The following CYGB variants were observed in gnomAD, a reference collection of about 807,000 sequenced individuals.
The protein encoded by CYGB is cytoglobin, also known as histoglobin.
A neutral mutation model predicts 20.7 loss-of-function variants in CYGB; 13 were observed. The observed-to-expected ratio is 0.63, with a 90% CI of 0.41 to 1.00. The LOEUF (loss-of-function observed/expected upper bound fraction) is 1.00. Among genes scored for constraint, CYGB ranks in the 50% least tolerant of loss-of-function variants. The probability of loss-of-function intolerance (pLI) is 0.00; values close to 1 mark genes in which losing one functional copy is unlikely to be tolerated. For synonymous variants in CYGB, 93 were observed against 107.4 expected (o/e 0.87, Z 0.83); for missense variants, 218 against 257.2 (o/e 0.85, Z 1.04).
intron 1 of CYGB, among the ~76,000 whole-genome samples, chr17:76,534,483 A>C (rs1219072878): frequency 6.6e-6 from 1 of 152,136 alleles, no homozygotes; most frequent in African/African-American, 2.4e-5. Context: ...CCGGCCTGTT[A>C]TTGTATTTAA....
At chr17:76,539,622 C>T (rs768608782), upstream of CYGB, among the ~76,000 whole-genome samples, 4 of 152,218 alleles carry the variant, frequency 2.6e-5, no homozygotes, top group Admixed American at 6.5e-5. Context: ...ATTCACCTTG[C>T]AGTTACTGGC....
chr17:76,528,567 AGT>A lies in CYGB; in HGVS notation c.*9_*10del, dbSNP rs1225259977. ...GAGGTGCTGCCAGGGAGGGGGGTGG[AGT>A]TAGGGGTCCTACGGCCCCGAAGAGG... On this transcript the variant is annotated 3_prime_UTR_variant, in exon 4 of 4. Coordinates refer to ENST00000293230, the MANE Select transcript of CYGB (RefSeq NM_134268.5). This position sits in a 1 kb window ranked among gnomAD's most constrained non-coding sequence, Gnocchi z 5.8. 1 of 1,233,098 alleles carries A rather than the reference AGT, an allele frequency of 8.1e-7. No homozygotes were observed. Among genetic ancestry groups the A allele is most frequent in the Non-Finnish European group, 1.0e-6 (1 of 970,788 alleles). The allele number at this position is 1,233,098 out of a possible 1,614,324, so 76.4% of individuals were successfully genotyped here. A position where few individuals can be genotyped will look rare whatever the true frequency, so the allele number is the denominator to read the frequency against.
intron 1 of CYGB, among the ~76,000 whole-genome samples, chr17:76,535,192 T>C (rs2074901947): frequency 6.6e-6 from 1 of 152,046 alleles, no homozygotes; most frequent in Non-Finnish European, 1.5e-5. Flanking sequence ...TTCTCCAGGT[T>C]GGGGGTGTGG....
In CYGB at chr17:76,531,472, C is replaced by T. The variant is rs201780371; in HGVS notation, c.363G>A (p.Pro121=). ...TGGGGGCGCATACCTTGAAGTACAC[C>T]GGTTCCACCTTGTGCTTGAGGGCGT... is the stretch of plus-strand genomic sequence containing the variant. ...KAHALKHKVE[P]VYFKILSGVI... The change falls in exon 2 of 4, where the codon CCG becomes CCA. Residue 121 remains proline, a synonymous_variant. Coordinates refer to ENST00000293230, the MANE Select transcript of CYGB (RefSeq NM_134268.5). The surrounding 1 kb of genome is among the most constrained non-coding windows in gnomAD (Gnocchi z 7.4). 568 of 1,609,258 alleles carry T rather than the reference C, an allele frequency of 3.5e-4. 4 individuals are homozygous for T. In the South Asian group the frequency reaches 4.9e-3, roughly 14 times the overall value.
At chr17:76,539,200 C>T (rs1195301315), upstream of CYGB, among the ~76,000 whole-genome samples, 1 of 152,238 alleles carries the variant, frequency 6.6e-6, no homozygotes, top group Non-Finnish European at 1.5e-5. Context: ...TGGCTGGCTC[C>T]ATGCTCCACA....
upstream of CYGB, chr17:76,542,606 A>T: frequency 6.2e-7 from 1 of 1,613,772 alleles, no homozygotes; most frequent in South Asian, 1.1e-5. Flanking sequence ...GCTCAGGCCC[A>T]GAGACTGGGA....
Position 76,531,526 on chromosome 17 carries a change from G to C in CYGB, c.309C>G (p.Ser103=), listed in dbSNP as rs759755981. The change falls in exon 2 of 4, where the codon TCC becomes TCG. Residue 103 remains serine (S), a synonymous_variant. Coordinates refer to ENST00000293230, the MANE Select transcript of CYGB (RefSeq NM_134268.5). The surrounding 1 kb of genome is among the most constrained non-coding windows in gnomAD (Gnocchi z 7.4). ...VENLHDPDKV[S]SVLALVGKAH... ...CTTTCCCCACAAGGGCGAGCACAGA[G>C]GACACCTTGTCGGGGTCATGCAGGT... is the stretch of plus-strand genomic sequence containing the variant. 1.2e-6 allele frequency: 2 copies of C among 1,614,124 alleles called. No homozygotes were observed. The highest frequency in any genetic ancestry group is 1.7e-6 in the Non-Finnish European group (2 of 1,179,930).
chr17:76,549,356 G>A (rs899464291), intron 1 of CYGB, among the ~76,000 whole-genome samples: 4 of 152,192 alleles, frequency 2.6e-5, no homozygotes, highest in African/African-American at 9.7e-5. Flanking sequence ...GGCTGGGCGC[G>A]GTGGCTCACG....
chr17:76,538,444 C>A, upstream of CYGB: 1 of 464,994 alleles, frequency 2.2e-6, no homozygotes, highest in Non-Finnish European at 4.5e-6. Context: ...CCTCCATGCC[C>A]TCGGTGCACG....
At chr17:76,549,973 T>G (rs1260266440) in intron 1 of CYGB, 1 of 152,310 alleles carries the variant, frequency 6.6e-6, no homozygotes, top group African/African-American at 2.4e-5. Context: ...TTCTTTTTTT[T>G]GAGATGGAGT....
In CYGB at chr17:76,533,716, C is replaced by T. The variant is rs571275297; in HGVS notation, c.144-2025G>A. Among the ~76,000 whole-genome samples the T allele has an allele frequency of 6.6e-6, 1 of 151,994 alleles. No individual in the cohort carries two copies. Among genetic ancestry groups the T allele is most frequent in the African/African-American group, 2.4e-5 (1 of 41,408 alleles). On this transcript the variant is annotated intron_variant, in intron 1 of 3. Coordinates refer to ENST00000293230, the MANE Select transcript of CYGB (RefSeq NM_134268.5). This position sits in a 1 kb window ranked among gnomAD's most constrained non-coding sequence, Gnocchi z 4.5. ...CCAGCCTGGGTGACAGAGTGAGACC[C>T]TGAATCCAAAGAAATAATGATAATA...
rs1273375483 is a variant in CYGB, at chr17:76,527,412, A to C, written c.*1166T>G. 5 of 362,328 alleles carry C rather than the reference A, an allele frequency of 1.4e-5. No homozygotes were observed. Among genetic ancestry groups the C allele is most frequent in the Non-Finnish European group, 2.2e-5 (4 of 183,688 alleles). 22.4% of individuals were successfully genotyped at this position (362,328 alleles called of 1,614,324 possible). On this transcript the variant is annotated 3_prime_UTR_variant, in exon 4 of 4. Transcript: ENST00000293230. ...GCTGGGTCTGGTTACAAACATCAGA[A>C]ACTAGAAAAGGAGGACGGGCGGTTG...
Position 76,531,059 on chromosome 17 carries a change from C to T in CYGB, c.459G>A (p.Lys153=), listed in dbSNP as rs2074833363. 1.2e-6 allele frequency: 2 copies of T among 1,613,806 alleles called. No homozygotes were observed. Among genetic ancestry groups the T allele is most frequent in the Non-Finnish European group, 1.7e-6 (2 of 1,179,948 alleles). ...CGTGGCTGTAGATGAGGCCACGCAG[C>T]TTGGCCCAGGCTCTCTGCGTCTCAG... ...FPPETQRAWA[K]LRGLIYSHVT... is the part of the protein sequence containing the mutation. The change falls in exon 3 of 4, where the codon AAG becomes AAA. Residue 153 remains lysine (K), a synonymous_variant. Transcript: ENST00000293230. This position sits in a 1 kb window ranked among gnomAD's most constrained non-coding sequence, Gnocchi z 7.4.
chr17:76,535,853 G>A (rs1355808316), intron 1 of CYGB, among the ~76,000 whole-genome samples: 1 of 152,216 alleles, frequency 6.6e-6, no homozygotes, highest in African/African-American at 2.4e-5. Flanking sequence ...TATCCGCACA[G>A]GTACCTGGCA....
upstream of CYGB, chr17:76,538,479 C>A (rs2074949435): frequency 2.1e-6 from 1 of 465,530 alleles, no homozygotes; most frequent in South Asian, 1.6e-5. Context: ...GGCCAGAAGT[C>A]CCCCGTGGCT....
In CYGB at chr17:76,530,979, G is replaced by A. The variant is rs757383292; in HGVS notation, c.539C>T (p.Thr180Ile). The A allele has an allele frequency of 5.6e-6, 9 of 1,597,324 alleles. No individual in the cohort carries two copies. In the African/African-American group the frequency reaches 8.1e-5, roughly 14 times the overall value. The change falls in exon 3 of 4, where the codon ACC (threonine) becomes ATC (isoleucine). Residue 180 changes from threonine (T) to isoleucine (I), a missense_variant and splice_region_variant. This residue lies in a region of CYGB where 66 missense variants were observed against 107.4 expected (regional missense o/e 0.61). Coordinates refer to ENST00000293230, the MANE Select transcript of CYGB (RefSeq NM_134268.5). The surrounding 1 kb of genome is among the most constrained non-coding windows in gnomAD (Gnocchi z 6.1). ...AGCCCACCCTCGCCCGCCTCCTCAC[G>A]TGGTGGCGTTGGGGACCTGCTGCAC... ...GWVQQVPNATTPPATLPSSGP is the reference protein window; with the variant it reads ...GWVQQVPNATIPPATLPSSGP
intron 3 of CYGB, chr17:76,529,804 T>C (rs1453943625): frequency 1.0e-6 from 1 of 985,018 alleles, no homozygotes; most frequent in Non-Finnish European, 1.2e-6. Context: ...TCCCATTGAC[T>C]CCCAGGTCTC....
At chr17:76,547,279 CA>C (rs2075061011) in intron 1 of CYGB, 2 of 152,356 alleles carry the variant, frequency 1.3e-5, no homozygotes, top group African/African-American at 4.8e-5. Context: ...ACAGTCACTG[CA>C]ACTGCCACTC....
intron 1 of CYGB, among the ~76,000 whole-genome samples, chr17:76,548,455 G>A (rs962379899): frequency 2.0e-5 from 3 of 152,196 alleles, no homozygotes; most frequent in South Asian, 2.1e-4. Context: ...AGTGACACTC[G>A]AGGAGAGACA....
Sources: allele counts gnomAD v4.1 joint callset (sites outside exome capture counted in the v4.1 genomes callset), GRCh38; gene constraint gnomAD v4.1.1; regional missense constraint gnomAD v4.1.1; non-coding constraint Gnocchi (gnomAD v3.1); transcripts MANE v1.5; gene names NCBI Gene and HGNC (gene_info 2026-07-23, HGNC 2026-07-21).